Variants in ANKS1B observed in about 807,000 individuals in gnomAD.
ANKS1B encodes ankyrin repeat and sterile alpha motif domain containing 1B.
A neutral mutation model predicts 148.3 loss-of-function variants in ANKS1B; 36 were observed. The ratio of observed to expected loss-of-function variants is 0.24; its 90% CI spans 0.19 to 0.32. The LOEUF (loss-of-function observed/expected upper bound fraction) is 0.32. ANKS1B is among the 10% of genes least tolerant of loss of function. ANKS1B has a pLI of 1.00. For synonymous variants in ANKS1B, 542 were observed against 560.8 expected, an observed-to-expected ratio of 0.97 and a Z score of 0.47; for missense variants, 1,157 against 1,542.6, an observed-to-expected ratio of 0.75 and a Z score of 4.19.
chr12:99,118,659 C>T (rs1211041163), intron 15 of ANKS1B, among the ~76,000 whole-genome samples: 1 of 152,162 alleles, frequency 6.6e-6, no homozygotes, highest in African/African-American at 2.4e-5. Flanking sequence ...TATTCATATG[C>T]TCAAATCAAG....
At chr12:99,316,788 T>C (rs2084193983) in intron 12 of ANKS1B, among the ~76,000 whole-genome samples, 1 of 152,166 alleles carries the variant, frequency 6.6e-6, no homozygotes, top group African/African-American at 2.4e-5. Flanking sequence ...TCTTTAAGGG[T>C]TTTTATGGTT....
intron 1 of ANKS1B, among the ~76,000 whole-genome samples, chr12:99,917,149 G>A (rs889133871): frequency 1.3e-5 from 2 of 152,286 alleles, no homozygotes; most frequent in South Asian, 4.1e-4. Flanking sequence ...AGGGGCTAGT[G>A]GTTCTGCTAA....
At chr12:99,469,737 C>T (rs936580626) in intron 10 of ANKS1B, among the ~76,000 whole-genome samples, 1 of 152,068 alleles carries the variant, frequency 6.6e-6, no homozygotes, top group Non-Finnish European at 1.5e-5. Context: ...AGTTAAATGT[C>T]CAACTAAAAT....
chr12:98,798,621 T>C (rs917674430), intron 22 of ANKS1B, among the ~76,000 whole-genome samples: 1 of 152,172 alleles, frequency 6.6e-6, no homozygotes, highest in African/African-American at 2.4e-5. Flanking sequence ...GACTATTCAG[T>C]GCGTGCTTAA....
chr12:99,421,346 A>G (rs2095074938), intron 11 of ANKS1B, among the ~76,000 whole-genome samples: 1 of 152,160 alleles, frequency 6.6e-6, no homozygotes, highest in African/African-American at 2.4e-5. Context: ...CAGCACACAG[A>G]CTTATTTTAT....
chr12:98,909,348 T>G (rs760168799), intron 17 of ANKS1B, among the ~76,000 whole-genome samples: 2 of 152,218 alleles, frequency 1.3e-5, no homozygotes, highest in Non-Finnish European at 2.9e-5. Flanking sequence ...TCAACGATGC[T>G]TTGATATAGA....
chr12:98,927,787 C>A lies in ANKS1B; in HGVS notation c.2779-95651G>T, dbSNP rs967099900. Among the ~76,000 whole-genome samples the A allele has an allele frequency of 2.7e-5, 4 of 150,138 alleles. No homozygotes were observed. The East Asian group carries it at 5.8e-4, about 22-fold the overall frequency. On this transcript the variant is annotated intron_variant, in intron 17 of 26. Coordinates refer to ENST00000683438, the MANE Select transcript of ANKS1B (RefSeq NM_001352186.2). Reference sequence around the variant, plus strand: ...GAAAATAAAGATATAGTAAGAGAAACAAGAAAATTAAAATAGTATACTAGA... The same window carrying A: ...GAAAATAAAGATATAGTAAGAGAAAAAAGAAAATTAAAATAGTATACTAGA...
At chr12:99,595,418 G>A (rs1159348076) in intron 9 of ANKS1B, among the ~76,000 whole-genome samples, 1 of 151,764 alleles carries the variant, frequency 6.6e-6, no homozygotes, top group Non-Finnish European at 1.5e-5. Context: ...CCAATTGCCT[G>A]TATATTTTAT....
intron 1 of ANKS1B, among the ~76,000 whole-genome samples, chr12:99,913,847 TA>T (rs936883420): frequency 2.6e-5 from 4 of 151,124 alleles, no homozygotes; most frequent in African/African-American, 9.7e-5. Flanking sequence ...CTCAAACAAG[TA>T]AAAAAAAATT....
At chr12:99,754,197 C>T (rs1306372246) in intron 8 of ANKS1B, among the ~76,000 whole-genome samples, 1 of 151,872 alleles carries the variant, frequency 6.6e-6, no homozygotes, top group Non-Finnish European at 1.5e-5. Context: ...CCAAAAAAAG[C>T]AAGGGTTGCT....
chr12:99,460,637 T>C (rs544570833), intron 10 of ANKS1B, among the ~76,000 whole-genome samples: 1 of 150,904 alleles, frequency 6.6e-6, no homozygotes, highest in Admixed American at 6.6e-5. Context: ...CCAACAAACA[T>C]ATAAAAAAAT....
intron 17 of ANKS1B, among the ~76,000 whole-genome samples, chr12:98,880,021 A>C (rs1313569163): frequency 6.6e-6 from 1 of 152,252 alleles, no homozygotes; most frequent in African/African-American, 2.4e-5. Context: ...ATGATTAAAA[A>C]AAGTATAAAA....
At chr12:99,855,523 A>G (rs1469843339) in intron 1 of ANKS1B, among the ~76,000 whole-genome samples, 2 of 152,308 alleles carry the variant, frequency 1.3e-5, no homozygotes, top group South Asian at 2.1e-4. Context: ...AAGTCAACAA[A>G]TAAACAATGG....
chr12:99,670,969 G>C (rs1049922101), intron 8 of ANKS1B, among the ~76,000 whole-genome samples: 2 of 152,028 alleles, frequency 1.3e-5, no homozygotes, highest in Admixed American at 6.6e-5. Flanking sequence ...ATTAGTCAAG[G>C]CACAATTTTC....
chr12:99,087,534 T>A (rs1295007942), intron 15 of ANKS1B, among the ~76,000 whole-genome samples: 1 of 152,224 alleles, frequency 6.6e-6, no homozygotes, highest in African/African-American at 2.4e-5. Context: ...CAACAGAGCA[T>A]GGCTGAGAAT....
chr12:98,955,657 T>C (rs2099860971), intron 17 of ANKS1B, among the ~76,000 whole-genome samples: 1 of 152,094 alleles, frequency 6.6e-6, no homozygotes, highest in Admixed American at 6.5e-5. Flanking sequence ...AAGATTGAAT[T>C]TGGCATATGA....
At chr12:98,890,901 G>A (rs1403331772) in intron 17 of ANKS1B, among the ~76,000 whole-genome samples, 4 of 152,300 alleles carry the variant, frequency 2.6e-5, no homozygotes, top group African/African-American at 7.2e-5. Context: ...TGAGTCCAAC[G>A]CAGTCTTCCC....
At chr12:99,412,553 G>A (rs941909931) in intron 11 of ANKS1B, among the ~76,000 whole-genome samples, 1 of 152,066 alleles carries the variant, frequency 6.6e-6, no homozygotes, top group African/African-American at 2.4e-5. Flanking sequence ...GTTGGATGGT[G>A]GGCTTTTTCC....
chr12:99,047,283 C>T (rs775131764), intron 17 of ANKS1B, among the ~76,000 whole-genome samples: 1 of 151,998 alleles, frequency 6.6e-6, no homozygotes, highest in South Asian at 2.1e-4. Context: ...GCCTGCAGTC[C>T]CAGCTACTTG....
Sources: gnomAD v4.1 joint callset for allele counts (sites outside exome capture counted in the v4.1 genomes callset) on GRCh38, gnomAD v4.1.1 for gene constraint, MANE v1.5 for transcripts, NCBI Gene and HGNC (gene_info 2026-07-23, HGNC 2026-07-21) for gene names.